SWT1: variants seen among roughly 807,000 people sequenced by gnomAD.
SWT1 encodes the protein SWT1 RNA endoribonuclease homolog.
In SWT1, 33 loss-of-function variants were observed where a neutral mutation model predicts 107.3. The observed-to-expected ratio is 0.31, with a 90% CI of 0.23 to 0.41. SWT1 has a LOEUF of 0.41. Among genes scored for constraint, SWT1 ranks in the 10% least tolerant of loss-of-function variants. The probability of loss-of-function intolerance (pLI) is 1.00; values close to 1 mark genes in which losing one functional copy is unlikely to be tolerated. For missense variants in SWT1, 898 were observed against 1,028.9 expected, an observed-to-expected ratio of 0.87 and a Z score of 1.74; for synonymous variants, 345 against 348.3, an observed-to-expected ratio of 0.99 and a Z score of 0.11.
At chr1:185,214,778 T>A in intron 14 of SWT1, 123 bp downstream of exon 14, 1 of 751,236 alleles carries the variant, frequency 1.3e-6, no homozygotes, top group Non-Finnish European at 2.0e-6. Flanking sequence ...CTAAAGGCGT[T>A]AAGTAAATGT....
chr1:185,207,822 G>A (rs1376958308), intron 13 of SWT1, among the ~76,000 whole-genome samples: 2 of 152,102 alleles, frequency 1.3e-5, no homozygotes, highest in African/African-American at 4.8e-5. Context: ...GATCATCTGA[G>A]CCTGAGAGGT....
At chr1:185,244,932 A>G (rs779462869) in intron 16 of SWT1, among the ~76,000 whole-genome samples, 23 of 152,148 alleles carry the variant, frequency 1.5e-4, no homozygotes, top group Middle Eastern at 3.4e-3. Flanking sequence ...AAATAAAATT[A>G]GCTGGGCATG....
chr1:185,201,792 C>A (rs1657906635), intron 10 of SWT1, among the ~76,000 whole-genome samples: 3 of 152,164 alleles, frequency 2.0e-5, no homozygotes, highest in African/African-American at 7.2e-5. Flanking sequence ...TTTCAAGCCA[C>A]TAATACTTGT....
At chr1:185,277,816 T>C (rs555902099) in intron 18 of SWT1, among the ~76,000 whole-genome samples, 1 of 151,054 alleles carries the variant, frequency 6.6e-6, no homozygotes, top group East Asian at 1.9e-4. Flanking sequence ...GTTCTCATCT[T>C]TTTTTTTTGT....
chr1:185,162,396 A>C (rs1654226783), intron 2 of SWT1, among the ~76,000 whole-genome samples: 1 of 152,116 alleles, frequency 6.6e-6, no homozygotes. Flanking sequence ...TTTTTCTCTG[A>C]GTCTGCTTGC....
At chr1:185,216,822 C>T (rs1235747918) in intron 14 of SWT1, among the ~76,000 whole-genome samples, 1 of 151,972 alleles carries the variant, frequency 6.6e-6, no homozygotes, top group African/African-American at 2.4e-5. Flanking sequence ...CATGGTGGCA[C>T]ACACCTGTAG....
chr1:185,161,285 A>T (rs74584404), intron 2 of SWT1, among the ~76,000 whole-genome samples: 23 of 152,066 alleles, frequency 1.5e-4, no homozygotes, highest in African/African-American at 5.3e-4. Context: ...TCCTTTTTCA[A>T]TTTCCTCAAC....
At chr1:185,187,841 A>C (rs1398867736) in intron 9 of SWT1, among the ~76,000 whole-genome samples, 1 of 152,104 alleles carries the variant, frequency 6.6e-6, no homozygotes, top group African/African-American at 2.4e-5. Flanking sequence ...GGCATGTGCC[A>C]CCATGCCCGG....
At chr1:185,180,315 G>A in intron 5 of SWT1, 76 bp from the exon 6 acceptor site, 1 of 1,177,592 alleles carries the variant, frequency 8.5e-7, no homozygotes. Flanking sequence ...GACCCTGAAG[G>A]TTAATAGTGA....
chr1:185,188,318 T>G (rs1656671334), intron 9 of SWT1, among the ~76,000 whole-genome samples: 1 of 152,246 alleles, frequency 6.6e-6, no homozygotes, highest in South Asian at 2.1e-4. Flanking sequence ...AATCTTGAGT[T>G]TGATACTGTT....
intron 10 of SWT1, among the ~76,000 whole-genome samples, chr1:185,191,635 A>C (rs927993298): frequency 1.3e-5 from 2 of 152,166 alleles, no homozygotes; most frequent in African/African-American, 4.8e-5. Context: ...CTTTCTATCT[A>C]TGAGTTTTAA....
At chr1:185,253,964 A>T (rs1343200934) in intron 16 of SWT1, among the ~76,000 whole-genome samples, 5 of 148,346 alleles carry the variant, frequency 3.4e-5, no homozygotes, top group African/African-American at 1.3e-4. Context: ...TCAATACCTA[A>T]TTTATTGAGA....
chr1:185,287,994 T>TTAAC (rs1180010933), intron 18 of SWT1, among the ~76,000 whole-genome samples: 1 of 152,166 alleles, frequency 6.6e-6, no homozygotes, highest in African/African-American at 2.4e-5. Flanking sequence ...AAAAGTCTAG[T>TTAAC]TACTGAAGGA....
At chr1:185,173,215 A>G (rs1393247117) in intron 4 of SWT1, among the ~76,000 whole-genome samples, 1 of 152,124 alleles carries the variant, frequency 6.6e-6, no homozygotes, top group Non-Finnish European at 1.5e-5. Context: ...CTTTTTATCT[A>G]CTAAGGCTAG....
intron 16 of SWT1, among the ~76,000 whole-genome samples, chr1:185,235,734 A>G (rs1464323175): frequency 2.0e-5 from 3 of 152,206 alleles, no homozygotes; most frequent in African/African-American, 2.4e-5. Flanking sequence ...AATAAAGGGT[A>G]TTCAAATAGG....
rs374145449 is a variant in SWT1 at position 185,242,839 on chromosome 1, G to A, written c.2441+11131G>A. 1.4e-3 allele frequency among the ~76,000 whole-genome samples: 217 copies of A among 152,012 alleles called. 1 individual carries two copies. Among genetic ancestry groups the A allele is most frequent in the Admixed American group, 3.7e-3 (56 of 15,258 alleles). Reference sequence around the variant, plus strand: ...TTAAAATTCCTTGCTATTAAGTCTCGTTTTAAGAAATGCTAAAACCACCAG... The same window carrying A: ...TTAAAATTCCTTGCTATTAAGTCTCATTTTAAGAAATGCTAAAACCACCAG... On this transcript the variant is annotated intron_variant, in intron 16 of 18. Transcript: ENST00000367500.
At chr1:185,215,598 G>A (rs1297312624) in intron 14 of SWT1, among the ~76,000 whole-genome samples, 1 of 152,056 alleles carries the variant, frequency 6.6e-6, no homozygotes, top group Non-Finnish European at 1.5e-5. Context: ...TGTCACCCTG[G>A]CACGATCAGG....
chr1:185,204,594 T>G (rs2102461194), intron 11 of SWT1, 106 bp from the exon 12 acceptor site: 1 of 476,074 alleles, frequency 2.1e-6, no homozygotes, highest in South Asian at 5.9e-5. Flanking sequence ...TATATATAAT[T>G]AAAATATATA....
intron 18 of SWT1, among the ~76,000 whole-genome samples, chr1:185,283,438 G>A (rs1664760798): frequency 6.6e-6 from 1 of 152,170 alleles, no homozygotes; most frequent in African/African-American, 2.4e-5. Flanking sequence ...ATCTTGTGCA[G>A]TATCTTCTAT....
Sources: gnomAD v4.1 joint callset for allele counts (sites outside exome capture counted in the v4.1 genomes callset) on GRCh38, gnomAD v4.1.1 for gene constraint, MANE v1.5 for transcripts, NCBI Gene and HGNC (gene_info 2026-07-23, HGNC 2026-07-21) for gene names.